Variants in SEC14L5 observed in about 807,000 individuals in gnomAD.
SEC14L5 encodes the protein SEC14 like lipid binding 5.
A neutral mutation model predicts 84.6 loss-of-function variants in SEC14L5; 96 were observed. That is an observed-to-expected ratio of 1.13 (90% CI 0.96 to 1.34). SEC14L5 has a LOEUF of 1.34. SEC14L5 is among the 40% of genes most tolerant of loss of function. The pLI, the probability that SEC14L5 is intolerant of heterozygous loss-of-function variation, is 0.00. For synonymous variants in SEC14L5, 546 were observed against 383.4 expected (o/e 1.42, Z -4.95); for missense variants, 1,224 against 942.5 (o/e 1.30, Z -3.91).
chr16:4,992,599 A>G lies in SEC14L5; in HGVS notation c.667+569A>G, dbSNP rs1452031431. ...AGGAATTAACCTCTGGTGCCTTGAC[A>G]TTGCCTCTTTCTCTGGTTTTACTAT... On this transcript the variant is annotated intron_variant, in intron 6 of 15. Coordinates refer to ENST00000251170, the MANE Select transcript of SEC14L5 (RefSeq NM_014692.2). Among the ~76,000 whole-genome samples the G allele has an allele frequency of 3.3e-5, 5 of 152,350 alleles. No homozygotes were observed. In the South Asian group the frequency reaches 1.0e-3, roughly 32 times the overall value.
At chr16:5,011,942 A>G (rs1222707405) in intron 15 of SEC14L5, among the ~76,000 whole-genome samples, 2 of 152,224 alleles carry the variant, frequency 1.3e-5, no homozygotes, top group East Asian at 1.9e-4. Context: ...CTGTAAAAGC[A>G]CTTATGATTT....
At chr16:5,014,365 A>G (rs186193818) in intron 15 of SEC14L5, among the ~76,000 whole-genome samples, 30 of 152,306 alleles carry the variant, frequency 2.0e-4, no homozygotes, top group Admixed American at 9.8e-4. Context: ...CCTGGGCAGC[A>G]TAGTGAGAGC....
At chr16:4,999,347 G>A (rs557351050) in intron 8 of SEC14L5, among the ~76,000 whole-genome samples, 2 of 152,182 alleles carry the variant, frequency 1.3e-5, no homozygotes, top group Non-Finnish European at 2.9e-5. Flanking sequence ...GCTCACACCT[G>A]TAATCAGAGC....
intron 6 of SEC14L5, among the ~76,000 whole-genome samples, chr16:4,993,267 A>C (rs568103184): frequency 6.6e-6 from 1 of 151,992 alleles, no homozygotes; most frequent in Non-Finnish European, 1.5e-5. Context: ...TTTGAAGTGG[A>C]GTCTCACTGT....
chr16:5,015,208 C>T lies in SEC14L5; in HGVS notation c.*238C>T. 1.9e-6 allele frequency: 1 copy of T among 536,162 alleles called. No homozygotes were observed. 33.2% of individuals were successfully genotyped at this position (536,162 alleles called of 1,614,324 possible). On this transcript the variant is annotated 3_prime_UTR_variant, in exon 16 of 16. Transcript: ENST00000251170. Reference sequence around the variant, plus strand: ...TCCTTCCGGCTTCGTGTAAGGAAGACCAAGCCAAGGCCAAGGTGTCTACCA... The same window carrying T: ...TCCTTCCGGCTTCGTGTAAGGAAGATCAAGCCAAGGCCAAGGTGTCTACCA...
chr16:4,963,559 T>C (rs958123935), intron 2 of SEC14L5, among the ~76,000 whole-genome samples: 1 of 152,272 alleles, frequency 6.6e-6, no homozygotes, highest in African/African-American at 2.4e-5. Flanking sequence ...CTGGCCAGAC[T>C]GGTCTTGAAC....
chr16:4,985,234 TA>T (rs1955470925), intron 2 of SEC14L5, among the ~76,000 whole-genome samples: 1 of 152,212 alleles, frequency 6.6e-6, no homozygotes, highest in Non-Finnish European at 1.5e-5. Context: ...TTTATTTGTT[TA>T]TTTTTTTGAG....
intron 2 of SEC14L5, among the ~76,000 whole-genome samples, chr16:4,969,351 C>T (rs951524678): frequency 6.6e-5 from 10 of 151,322 alleles, no homozygotes; most frequent in Non-Finnish European, 1.2e-4. Context: ...TTTTTTTCTC[C>T]AATGTCAGAG....
At chr16:5,006,610 C>T (rs747160271) in intron 12 of SEC14L5, among the ~76,000 whole-genome samples, 5 of 152,138 alleles carry the variant, frequency 3.3e-5, no homozygotes, top group African/African-American at 9.7e-5. Context: ...CCCAGTGGCC[C>T]GGGCCCTCTT....
chr16:4,988,469 A>G (rs1457268266), intron 4 of SEC14L5, among the ~76,000 whole-genome samples, 189 bp downstream of exon 4: 1 of 152,172 alleles, frequency 6.6e-6, no homozygotes, highest in East Asian at 1.9e-4. Flanking sequence ...TTTTTTTAGT[A>G]TGTCTCAAAT....
At chr16:4,981,944 G>A (rs1955428911) in intron 2 of SEC14L5, among the ~76,000 whole-genome samples, 1 of 152,128 alleles carries the variant, frequency 6.6e-6, no homozygotes, top group African/African-American at 2.4e-5. Flanking sequence ...GGTCCAGCGT[G>A]GCTGAGATCT....
rs765098085 is a variant in SEC14L5 at position 5,005,882 on chromosome 16, A to AAT, written c.1303-32_1303-31insAT. 7.4e-6 allele frequency: 11 copies of AAT among 1,487,932 alleles called. No homozygotes were observed. In the African/African-American group the frequency reaches 1.6e-4, roughly 22 times the overall value. The allele number at this position is 1,487,932 out of a possible 1,614,324, so 92.2% of individuals were successfully genotyped here. The stretch of plus-strand genomic sequence containing the variant: ...CCGTCTCAAAAAAAAAAAAAAAAAA[A>AAT]CCATCCATCTTGCCTTATGTCCTGG... On this transcript the variant is annotated intron_variant, in intron 11 of 15. Transcript: ENST00000251170.
At chr16:4,967,937 C>T (rs1955225491) in intron 2 of SEC14L5, among the ~76,000 whole-genome samples, 1 of 144,980 alleles carries the variant, frequency 6.9e-6, no homozygotes, top group African/African-American at 2.5e-5. Flanking sequence ...TTCCTTCCTT[C>T]ACCTCTCCCC....
At chr16:4,996,551 T>C (rs1955611859) in intron 7 of SEC14L5, 91 bp downstream of exon 7, 2 of 683,240 alleles carry the variant, frequency 2.9e-6, no homozygotes, top group African/African-American at 1.8e-5. Context: ...GAGATGATAA[T>C]GCTGACACAT....
At chr16:4,996,069 G>A (rs1164612238) in intron 6 of SEC14L5, among the ~76,000 whole-genome samples, 1 of 152,106 alleles carries the variant, frequency 6.6e-6, no homozygotes, top group Non-Finnish European at 1.5e-5. Context: ...CCCAGAGGGT[G>A]GGAATTATCT....
chr16:5,008,797 C>G, intron 14 of SEC14L5, 149 bp downstream of exon 14: 5 of 671,252 alleles, frequency 7.4e-6, no homozygotes, highest in Admixed American at 3.2e-5. Flanking sequence ...GAAAGACACA[C>G]AGGGTCTCAT....
chr16:5,001,000 T>C (rs1433768834), intron 10 of SEC14L5, 75 bp downstream of exon 10: 3 of 1,170,088 alleles, frequency 2.6e-6, no homozygotes, highest in Admixed American at 2.0e-5. Flanking sequence ...ACTGTGCATA[T>C]GTGCTGGGCT....
At chr16:4,968,472 C>T (rs966740106) in intron 2 of SEC14L5, among the ~76,000 whole-genome samples, 3 of 152,218 alleles carry the variant, frequency 2.0e-5, no homozygotes, top group African/African-American at 2.4e-5. Context: ...GGCCACGGCG[C>T]CCGGCCGCAC....
chr16:5,000,083 G>C (rs1955658243), intron 8 of SEC14L5, among the ~76,000 whole-genome samples: 1 of 152,094 alleles, frequency 6.6e-6, no homozygotes, highest in Non-Finnish European at 1.5e-5. Flanking sequence ...CTGAGGTCAG[G>C]AGTTTGAGAC....
Sources: allele counts gnomAD v4.1 joint callset (sites outside exome capture counted in the v4.1 genomes callset), GRCh38; gene constraint gnomAD v4.1.1; transcripts MANE v1.5; gene names NCBI Gene and HGNC (gene_info 2026-07-23, HGNC 2026-07-21).